Variants in BEND7 observed in about 807,000 individuals in gnomAD.
BEND7 encodes BEN domain-containing protein 7.
BEND7 carries 28 observed loss-of-function variants against 50.9 expected under a neutral mutation model. The observed-to-expected ratio is 0.55, with a 90% CI of 0.41 to 0.75. The LOEUF is 0.75. Ranked by LOEUF, BEND7 falls within the 30% of genes least tolerant of loss-of-function variation. BEND7 has a pLI of 0.00. For synonymous variants in BEND7, 170 were observed against 183.9 expected (o/e 0.92, Z 0.61); for missense variants, 477 against 491.3 (o/e 0.97, Z 0.28).
intron 7 of BEND7, among the ~76,000 whole-genome samples, chr10:13,450,518 A>G (rs1271042480): frequency 1.3e-5 from 2 of 152,224 alleles, no homozygotes; most frequent in African/African-American, 4.8e-5. Flanking sequence ...ATGGGGAGAC[A>G]AACTGTATTT....
chr10:13,454,583 A>G (rs900711539), intron 6 of BEND7, among the ~76,000 whole-genome samples: 21 of 152,060 alleles, frequency 1.4e-4, no homozygotes, highest in African/African-American at 5.1e-4. Context: ...TTACACCATT[A>G]CACTCCAGCC....
At chr10:13,508,183 G>T (rs1285290373) in intron 2 of BEND7, among the ~76,000 whole-genome samples, 2 of 152,184 alleles carry the variant, frequency 1.3e-5, no homozygotes, top group Admixed American at 6.5e-5. Flanking sequence ...TTAACATGCA[G>T]ATGCCATCAA....
chr10:13,527,135 A>G lies in BEND7; in HGVS notation c.62-914T>C, dbSNP rs764772240. On this transcript the variant is annotated intron_variant, in intron 1 of 8. Coordinates refer to ENST00000466271, the MANE Select transcript of BEND7 (RefSeq NM_001369863.1). ...GGTCATCAATAAGAAAGCAGCTTAC[A>G]TTCCTGAATGAATCAGATAGCACCA... Among the ~76,000 whole-genome samples, 2 of 152,246 alleles carry G rather than the reference A, an allele frequency of 1.3e-5. 1 individual carries two copies. The highest frequency in any genetic ancestry group is 4.1e-4 in the South Asian group (2 of 4,836).
intron 2 of BEND7, among the ~76,000 whole-genome samples, chr10:13,514,596 G>A (rs2078524295): frequency 6.6e-6 from 1 of 152,164 alleles, no homozygotes; most frequent in African/African-American, 2.4e-5. Context: ...AAGTTGGGTC[G>A]GACGTGGGCC....
At chr10:13,445,498 C>T (rs756635756) in intron 8 of BEND7, 5 of 152,028 alleles carry the variant, frequency 3.3e-5, no homozygotes, top group Admixed American at 6.5e-5. Flanking sequence ...CCGGCCAGGC[C>T]GTCAACCAGC....
intron 5 of BEND7, among the ~76,000 whole-genome samples, chr10:13,488,399 C>A (rs774880922): frequency 6.6e-6 from 1 of 152,088 alleles, no homozygotes; most frequent in African/African-American, 2.4e-5. Flanking sequence ...TGAAAAACAG[C>A]GACCATAAGA....
At chr10:13,509,053 A>C (rs1257412745) in intron 2 of BEND7, among the ~76,000 whole-genome samples, 1 of 152,204 alleles carries the variant, frequency 6.6e-6, no homozygotes, top group Non-Finnish European at 1.5e-5. Context: ...AGTTAGGGTC[A>C]AAAAGAGCAA....
chr10:13,474,154 A>G (rs1271662018), intron 6 of BEND7, among the ~76,000 whole-genome samples: 1 of 150,678 alleles, frequency 6.6e-6, no homozygotes, highest in Non-Finnish European at 1.5e-5. Context: ...ACTTGTGGCC[A>G]ACATCTGTCA....
chr10:13,456,635 C>G (rs562505852), intron 6 of BEND7, among the ~76,000 whole-genome samples: 2 of 152,244 alleles, frequency 1.3e-5, no homozygotes, highest in East Asian at 3.9e-4. Context: ...CAGAGGACAG[C>G]CTATCCCTGG....
chr10:13,439,394 C>T, downstream of BEND7: 1 of 1,614,150 alleles, frequency 6.2e-7, no homozygotes, highest in Non-Finnish European at 8.5e-7. Context: ...AGGGTTCTGC[C>T]ATCTGTCCCT....
At position 13,526,146 on chromosome 10, in the gene BEND7, A is replaced by G; in HGVS notation, c.137T>C (p.Ile46Thr). ...TTGACATAGGAACCTACCTAAAAAA[A>G]TGGGCTGTGTCTCTTTGGCCTCCCC... ...VNGEAKETQPIFLGDESMEIK... is the reference protein window; with the variant it reads ...VNGEAKETQPTFLGDESMEIK... Residue 46 changes from isoleucine (I) to threonine (T), a missense_variant, in exon 2 of 9, where the codon ATT (isoleucine) becomes ACT (threonine). By Grantham distance (89) the Ile-to-Thr change is moderately conservative. Around this residue, in one of 3 missense-constraint regions of BEND7, gnomAD observed 396 missense variants for 384.2 expected, o/e 1.03. Coordinates refer to ENST00000466271, the MANE Select transcript of BEND7 (RefSeq NM_001369863.1). The G allele has an allele frequency of 1.6e-6, 2 of 1,287,808 alleles. No homozygotes were observed. The highest frequency in any genetic ancestry group is 1.0e-6 in the Non-Finnish European group (1 of 987,392). 79.8% of individuals were successfully genotyped at this position (1,287,808 alleles called of 1,614,324 possible).
intron 8 of BEND7, chr10:13,442,021 A>T (rs1249990702): frequency 2.1e-6 from 1 of 482,050 alleles, no homozygotes; most frequent in Non-Finnish European, 3.7e-6. Context: ...TGGAACAGGG[A>T]TTTATCCCAG....
chr10:13,443,625 A>G (rs1249826336), intron 8 of BEND7: 1 of 152,272 alleles, frequency 6.6e-6, no homozygotes, highest in Non-Finnish European at 1.5e-5. Flanking sequence ...TTTTTATGAG[A>G]AAGGCCACGA....
intron 2 of BEND7, among the ~76,000 whole-genome samples, chr10:13,513,440 A>G (rs2078429378): frequency 6.6e-6 from 1 of 152,088 alleles, no homozygotes; most frequent in African/African-American, 2.4e-5. Flanking sequence ...CCTTAACATC[A>G]TGTCTAAAAA....
chr10:13,528,397 C>G lies in BEND7; in HGVS notation c.61+76G>C, dbSNP rs113407393. The G allele has an allele frequency of 2.4e-5, 17 of 709,906 alleles. No individual in the cohort carries two copies. In the East Asian group the frequency reaches 1.7e-3, roughly 69 times the overall value. The allele number at this position is 709,906 out of a possible 1,614,324, so 44.0% of individuals were successfully genotyped here. The stretch of plus-strand genomic sequence containing the variant: ...ACCGGGGGCTCCGGGAGGGCGCGCC[C>G]CCCAGCGTGGACCCCCGCGGGCGGC... On this transcript the variant is annotated intron_variant, in intron 1 of 8. Coordinates refer to ENST00000466271, the MANE Select transcript of BEND7 (RefSeq NM_001369863.1).
chr10:13,490,798 G>T (rs538578735), intron 5 of BEND7, among the ~76,000 whole-genome samples: 2 of 152,012 alleles, frequency 1.3e-5, no homozygotes, highest in East Asian at 1.9e-4. Flanking sequence ...CTATGATTTT[G>T]TTTTTTTGTT....
At chr10:13,496,637 C>T in intron 4 of BEND7, 129 bp downstream of exon 4, 1 of 1,138,698 alleles carries the variant, frequency 8.8e-7, no homozygotes. Context: ...AAAACAGATA[C>T]TTGAAAAGGC....
intron 2 of BEND7, among the ~76,000 whole-genome samples, chr10:13,512,716 C>T (rs571036082): frequency 2.0e-4 from 30 of 152,258 alleles, no homozygotes; most frequent in African/African-American, 7.0e-4. Flanking sequence ...TTTCTTCAGT[C>T]ATTTAAATTT....
chr10:13,469,511 T>C (rs987967558), intron 6 of BEND7, among the ~76,000 whole-genome samples: 6 of 152,212 alleles, frequency 3.9e-5, no homozygotes, highest in African/African-American at 1.2e-4. Context: ...GGATTCTTGC[T>C]CTGTCACCAG....
Sources: allele counts gnomAD v4.1 joint callset (sites outside exome capture counted in the v4.1 genomes callset), GRCh38; gene constraint gnomAD v4.1.1; regional missense constraint gnomAD v4.1.1; transcripts MANE v1.5; gene names NCBI Gene and HGNC (gene_info 2026-07-23, HGNC 2026-07-21).